Variants in COL21A1 observed in about 807,000 individuals in gnomAD.
The protein encoded by COL21A1 is collagen type XXI alpha 1 chain.
A neutral mutation model predicts 137.9 loss-of-function variants in COL21A1; 149 were observed. The ratio of observed to expected loss-of-function variants is 1.08; its 90% confidence interval spans 0.95 to 1.24. COL21A1 has a LOEUF of 1.24. Ranked by LOEUF, COL21A1 falls within the 50% of genes most tolerant of loss-of-function variation. The pLI is 0.00. For missense variants in COL21A1, 1,167 were observed against 1,158.4 expected (o/e 1.01, Z -0.11); for synonymous variants, 456 against 391.5 (o/e 1.16, Z -1.95).
chr6:56,320,640 G>C (rs566870548), intron 1 of COL21A1, among the ~76,000 whole-genome samples: 1 of 152,066 alleles, frequency 6.6e-6, no homozygotes, highest in South Asian at 2.1e-4. Flanking sequence ...ATCAGGGTCT[G>C]CCTAATAATT....
At chr6:56,377,269 G>C (rs1265889077) in intron 1 of COL21A1, among the ~76,000 whole-genome samples, 2 of 152,018 alleles carry the variant, frequency 1.3e-5, no homozygotes, top group Admixed American at 6.6e-5. Context: ...GATTACAGGC[G>C]TGAGCCACCG....
intron 1 of COL21A1, among the ~76,000 whole-genome samples, chr6:56,217,597 C>T (rs1780570063): frequency 6.6e-6 from 1 of 152,074 alleles, no homozygotes; most frequent in Non-Finnish European, 1.5e-5. Context: ...AATATTCTAA[C>T]CAATATTAAG....
chr6:56,236,531 G>A (rs934765607), intron 1 of COL21A1, among the ~76,000 whole-genome samples: 1 of 152,014 alleles, frequency 6.6e-6, no homozygotes, highest in Non-Finnish European at 1.5e-5. Flanking sequence ...ACTAGAGTGT[G>A]TCTAAACAGA....
rs1252364109 is a variant in COL21A1 at position 56,380,254 on chromosome 6, C to T, written c.-39+13717G>A. On this transcript the variant is annotated intron_variant, in intron 1 of 28. Transcript: ENST00000370819. ...TGACTATAAGCTTCCTTAGGCCTCA[C>T]TAGAAACTGAGCAGATGCTGGCACC... 2.6e-5 allele frequency among the ~76,000 whole-genome samples: 4 copies of T among 152,150 alleles called. No individual in the cohort carries two copies. In the East Asian group the frequency reaches 7.7e-4, roughly 29 times the overall value.
At chr6:56,067,226 G>A in intron 23 of COL21A1, 69 bp downstream of exon 23, 1 of 1,271,108 alleles carries the variant, frequency 7.9e-7, no homozygotes, top group Non-Finnish European at 1.1e-6. Context: ...GAATTTAAAA[G>A]TAAAATAAGA....
intron 24 of COL21A1, among the ~76,000 whole-genome samples, chr6:56,062,727 C>A (rs1393475431): frequency 6.6e-6 from 1 of 152,022 alleles, no homozygotes; most frequent in Non-Finnish European, 1.5e-5. Context: ...ATATATGAAT[C>A]TTTTAGTAAG....
intron 1 of COL21A1, among the ~76,000 whole-genome samples, chr6:56,186,915 A>T (rs1778344454): frequency 6.6e-6 from 1 of 152,230 alleles, no homozygotes; most frequent in Non-Finnish European, 1.5e-5. Flanking sequence ...TCTAAAACAG[A>T]TATAAAATGC....
chr6:56,371,548 C>T (rs769517527), intron 1 of COL21A1, among the ~76,000 whole-genome samples: 1 of 152,152 alleles, frequency 6.6e-6, no homozygotes, highest in African/African-American at 2.4e-5. Flanking sequence ...TGCCTGTTCA[C>T]CAGCTCCTGG....
At chr6:56,224,848 C>G (rs1781088205) in intron 1 of COL21A1, among the ~76,000 whole-genome samples, 1 of 151,992 alleles carries the variant, frequency 6.6e-6, no homozygotes, top group Non-Finnish European at 1.5e-5. Context: ...ACAAAAAGTA[C>G]TACTTAACCT....
intron 1 of COL21A1, among the ~76,000 whole-genome samples, chr6:56,224,716 T>C (rs1377514527): frequency 6.6e-6 from 1 of 152,090 alleles, no homozygotes; most frequent in Non-Finnish European, 1.5e-5. Flanking sequence ...TTCCCTGTTT[T>C]ACCAAGTCCC....
In COL21A1 at chr6:56,323,751, C is replaced by T. The variant is rs75794847; in HGVS notation, c.-39+70220G>A. Among the ~76,000 whole-genome samples, 5 of 152,218 alleles carry T rather than the reference C, an allele frequency of 3.3e-5. No individual in the cohort carries two copies. In the East Asian group the frequency reaches 9.7e-4, roughly 29 times the overall value. On this transcript the variant is annotated intron_variant, in intron 1 of 28. Coordinates refer to the COL21A1 transcript ENST00000370819. The stretch of plus-strand genomic sequence containing the variant: ...TCAATCTAAAATAGCAGAAAATACT[C>T]AGCTTACAGGTCAATAGTACATTGT...
At chr6:56,158,196 G>C (rs994854470) in intron 9 of COL21A1, among the ~76,000 whole-genome samples, 7 of 151,462 alleles carry the variant, frequency 4.6e-5, no homozygotes, top group African/African-American at 1.7e-4. Context: ...GTAAGTATCA[G>C]GGTGTTCCTA....
chr6:56,163,117 C>T (rs1776306461), intron 9 of COL21A1, among the ~76,000 whole-genome samples: 1 of 152,062 alleles, frequency 6.6e-6, no homozygotes, highest in Non-Finnish European at 1.5e-5. Context: ...TTATCTTGGA[C>T]CAGCAGAAAA....
intron 10 of COL21A1, among the ~76,000 whole-genome samples, chr6:56,144,328 A>G (rs910388106): frequency 1.3e-5 from 2 of 152,144 alleles, no homozygotes; most frequent in African/African-American, 4.8e-5. Context: ...GGCGGGTCAG[A>G]TCTGATCATT....
intron 1 of COL21A1, among the ~76,000 whole-genome samples, chr6:56,233,693 T>G (rs766653440): frequency 4.6e-5 from 7 of 151,430 alleles, no homozygotes; most frequent in Non-Finnish European, 1.0e-4. Context: ...AATTAACATT[T>G]GATTCTTCAA....
At chr6:56,180,353 G>T (rs187690054) in intron 2 of COL21A1, among the ~76,000 whole-genome samples, 2 of 152,140 alleles carry the variant, frequency 1.3e-5, no homozygotes, top group Non-Finnish European at 2.9e-5. Flanking sequence ...CCAGGACTTA[G>T]CTAACCAATA....
At chr6:56,088,509 C>A (rs9370482) in intron 17 of COL21A1, among the ~76,000 whole-genome samples, 1 of 152,038 alleles carries the variant, frequency 6.6e-6, no homozygotes, top group African/African-American at 2.4e-5. Flanking sequence ...TTTGCACCTG[C>A]CAGCATAGCT....
At chr6:56,099,471 C>T (rs939804225) in intron 17 of COL21A1, among the ~76,000 whole-genome samples, 2 of 151,774 alleles carry the variant, frequency 1.3e-5, no homozygotes, top group Non-Finnish European at 2.9e-5. Flanking sequence ...CTCCTGGCCT[C>T]GTGATCCAGC....
At chr6:56,072,759 C>G (rs967076813) in intron 20 of COL21A1, among the ~76,000 whole-genome samples, 3 of 151,332 alleles carry the variant, frequency 2.0e-5, no homozygotes, top group Non-Finnish European at 4.4e-5. Context: ...TACTTTCTGT[C>G]CCTTTTCAGA....
Sources: gnomAD v4.1 joint callset for allele counts (sites outside exome capture counted in the v4.1 genomes callset) on GRCh38, gnomAD v4.1.1 for gene constraint, MANE v1.5 for transcripts, NCBI Gene and HGNC (gene_info 2026-07-23, HGNC 2026-07-21) for gene names.